The following TPCN1 variants were observed in gnomAD, a reference collection of about 807,000 sequenced individuals.
TPCN1 encodes the protein two pore channel protein 1.
A neutral mutation model predicts 108.8 loss-of-function variants in TPCN1; 52 were observed. That is an observed-to-expected ratio of 0.48 (90% CI 0.38 to 0.60). The LOEUF is 0.60. TPCN1 is among the 20% of genes least tolerant of loss of function. TPCN1 has a pLI of 0.00. For missense variants in TPCN1, 806 were observed against 1,072.8 expected, an observed-to-expected ratio of 0.75 and a Z score of 3.47; for synonymous variants, 446 against 433.7, an observed-to-expected ratio of 1.03 and a Z score of -0.35.
chr12:113,246,548 C>T (rs995798974), intron 2 of TPCN1, among the ~76,000 whole-genome samples: 2 of 152,242 alleles, frequency 1.3e-5, no homozygotes, highest in Non-Finnish European at 2.9e-5. Context: ...CGCCTGCCCA[C>T]GCTGCTGCTC....
At position 113,244,466 on chromosome 12, in the gene TPCN1, A is replaced by C. The variant is rs182462491; in HGVS notation, c.113-15902A>C. On this transcript the variant is annotated intron_variant, in intron 2 of 27. Coordinates refer to ENST00000335509, the MANE Select transcript of TPCN1 (RefSeq NM_017901.6). ...ACCATCTTGCAACCAATTATCAGAA[A>C]GAGAAGGCCTGAGCAGGGGGATGTG... 6 of 985,478 alleles carry C rather than the reference A, an allele frequency of 6.1e-6. No homozygotes were observed. The East Asian group carries it at 5.7e-4, about 93-fold the overall frequency. The allele number at this position is 985,478 out of a possible 1,614,324, so 61.0% of individuals were successfully genotyped here.
In TPCN1 at chr12:113,296,924, A is replaced by C. The variant is rs1406927768; in HGVS notation, c.*848A>C. On this transcript the variant is annotated 3_prime_UTR_variant, in exon 28 of 28. Transcript: ENST00000335509. ...TTTTTGCGATTTACCCGTTCAAGCA[A>C]AACAACGTTTTGGTTAACTAAGGAT... 2 of 152,252 alleles carry C rather than the reference A, an allele frequency of 1.3e-5. No homozygotes were observed. Among genetic ancestry groups the C allele is most frequent in the Non-Finnish European group, 2.9e-5 (2 of 68,064 alleles). 9.4% of individuals were successfully genotyped at this position (152,252 alleles called of 1,614,324 possible). A position where few individuals can be genotyped will look rare whatever the true frequency, so the allele number is the denominator to read the frequency against.
intron 2 of TPCN1, 121 bp from the exon 3 acceptor site, chr12:113,260,247 G>A: frequency 8.8e-7 from 1 of 1,141,528 alleles, no homozygotes; most frequent in Non-Finnish European, 1.2e-6. Context: ...AGGTTGATTT[G>A]AAGATGACGG....
chr12:113,229,817 C>T (rs1291686666), intron 2 of TPCN1, among the ~76,000 whole-genome samples: 1 of 152,186 alleles, frequency 6.6e-6, no homozygotes, highest in South Asian at 2.1e-4. Flanking sequence ...AAAACACAAG[C>T]CCAACCTGGT....
At chr12:113,271,102 CA>C (rs944925163) in intron 7 of TPCN1, among the ~76,000 whole-genome samples, 3 of 151,532 alleles carry the variant, frequency 2.0e-5, no homozygotes, top group Non-Finnish European at 2.9e-5. Context: ...TACACACACA[CA>C]AAAAAAATAT....
Position 113,232,715 on chromosome 12 carries a change from G to T in TPCN1, c.112+5751G>T, listed in dbSNP as rs1160801037. ...CATCTACCAGTAGAGTCGTCATGGG[G>T]GATTGAGTGAGAGCATGTGTGTGAT... On this transcript the variant is annotated intron_variant, in intron 2 of 27. Transcript: ENST00000335509. This position sits in a 1 kb window ranked among gnomAD's most constrained non-coding sequence, Gnocchi z 5.6. Among the ~76,000 whole-genome samples the T allele has an allele frequency of 6.6e-6, 1 of 152,208 alleles. No individual in the cohort carries two copies.
chr12:113,295,017 T>C (rs1027197900), intron 27 of TPCN1, among the ~76,000 whole-genome samples: 1 of 152,216 alleles, frequency 6.6e-6, no homozygotes, highest in Non-Finnish European at 1.5e-5. Context: ...TTTGGGCTGA[T>C]GTGTAGTGGC....
intron 7 of TPCN1, among the ~76,000 whole-genome samples, chr12:113,271,143 G>A (rs1041438635): frequency 2.0e-5 from 3 of 152,000 alleles, no homozygotes; most frequent in African/African-American, 7.2e-5. Context: ...GGTGGCATGT[G>A]GCATGCACCT....
chr12:113,291,655 T>C lies in TPCN1; in HGVS notation c.2006T>C (p.Met669Thr), dbSNP rs757726369. The C allele has an allele frequency of 3.7e-6, 6 of 1,613,946 alleles. No individual in the cohort carries two copies. In the South Asian group the frequency reaches 4.4e-5, roughly 12 times the overall value. The change falls in exon 24 of 28, where the codon ATG becomes ACG. Residue 669 changes from methionine to threonine, a missense_variant. By Grantham distance (81) the Met-to-Thr change is moderately conservative. Transcript: ENST00000335509. Reference protein sequence around the residue: ...QTSHWSRLYFMTFYIVTMVVM... With the variant: ...QTSHWSRLYFTTFYIVTMVVM... ...TCCCACTGGAGCCGCCTCTACTTCA[T>C]GACCTTTTACATTGTGACCATGGTA...
chr12:113,278,945 TG>T, intron 14 of TPCN1, 110 bp downstream of exon 14: 2 of 974,080 alleles, frequency 2.1e-6, no homozygotes, highest in Non-Finnish European at 1.6e-6. Context: ...TGTGTGTGTG[TG>T]TTTGTCTGAA....
intron 3 of TPCN1, among the ~76,000 whole-genome samples, chr12:113,263,188 C>G (rs1955108673): frequency 1.3e-5 from 2 of 151,894 alleles, no homozygotes; most frequent in Non-Finnish European, 2.9e-5. Flanking sequence ...ATTATTTTAC[C>G]AAAAATGCAT....
At chr12:113,229,122 G>T (rs1243048273) in intron 2 of TPCN1, among the ~76,000 whole-genome samples, 2 of 152,212 alleles carry the variant, frequency 1.3e-5, no homozygotes, top group Non-Finnish European at 2.9e-5. Flanking sequence ...ACTCCCCTTG[G>T]CTAGGCCACT....
At chr12:113,267,787 AGGAGTGGCCATGGGCTGGGCTGG>A in intron 4 of TPCN1, 33 bp from the exon 5 acceptor site, 1 of 1,215,956 alleles carries the variant, frequency 8.2e-7, no homozygotes, top group Admixed American at 1.7e-5. Context: ...TTGGGCAAAG[AGGAGTGGCCATGGGCTGGGCTGG>A]CCATGACACA....
intron 12 of TPCN1, 106 bp downstream of exon 12, chr12:113,277,470 G>C: frequency 7.4e-7 from 1 of 1,359,228 alleles, no homozygotes; most frequent in Non-Finnish European, 1.0e-6. Context: ...CTATAGGCTT[G>C]TCAGAGACTT....
chr12:113,260,470 A>T lies in TPCN1; in HGVS notation c.215A>T (p.Gln72Leu), dbSNP rs747648857. Residue 72 changes from glutamine to leucine, a missense_variant, in exon 3 of 28, where the codon CAA becomes CTA. Physicochemically the swap from Gln to Leu is moderately radical, Grantham distance 113. Transcript: ENST00000335509. ...SPAHNWEMNY[Q>L]EAAIYLQEGE... is the part of the protein sequence containing the mutation. ...GCACACAACTGGGAGATGAATTACC[A>T]AGAGGCAGCAATCTACCTCCAGGTG... The T allele has an allele frequency of 1.3e-6, 2 of 1,572,420 alleles. No individual in the cohort carries two copies. Among genetic ancestry groups the T allele is most frequent in the Admixed American group, 3.7e-5 (2 of 53,480 alleles).
intron 2 of TPCN1, among the ~76,000 whole-genome samples, chr12:113,251,486 C>G (rs1954632033): frequency 6.6e-6 from 1 of 152,230 alleles, no homozygotes; most frequent in Admixed American, 6.5e-5. Context: ...CTCGTTCCAC[C>G]ATTGGCAACA....
At chr12:113,238,588 C>T (rs1330580059) in intron 2 of TPCN1, among the ~76,000 whole-genome samples, 1 of 152,228 alleles carries the variant, frequency 6.6e-6, no homozygotes, top group Non-Finnish European at 1.5e-5. Flanking sequence ...AGCCACCACT[C>T]CTGGCCCTTC....
At chr12:113,234,721 G>T (rs144989741) in intron 2 of TPCN1, among the ~76,000 whole-genome samples, 1,629 of 152,292 alleles carry the variant, frequency 0.011, 20 homozygotes, top group Middle Eastern at 0.069. Context: ...GGGCCTGCCG[G>T]ACCAGGGGCA....
intron 11 of TPCN1, 89 bp from the exon 12 acceptor site, chr12:113,277,151 G>A (rs549987464): frequency 1.2e-5 from 20 of 1,604,672 alleles, no homozygotes; most frequent in African/African-American, 2.7e-5. Context: ...GCCCTTGGAA[G>A]AATGAACAGA....
Sources: gnomAD v4.1 joint callset for allele counts (sites outside exome capture counted in the v4.1 genomes callset) on GRCh38, gnomAD v4.1.1 for gene constraint, Gnocchi (gnomAD v3.1) non-coding constraint, MANE v1.5 for transcripts, NCBI Gene and HGNC (gene_info 2026-07-23, HGNC 2026-07-21) for gene names.